Variants in ZNF644 observed in about 807,000 individuals in gnomAD.
The protein encoded by ZNF644 is zinc finger protein 644, also known as zinc finger motif enhancer binding protein 2.
Under a neutral mutation model 108.0 loss-of-function variants are expected in ZNF644, and 20 were observed. The ratio of observed to expected loss-of-function variants is 0.19; its 90% CI spans 0.13 to 0.27. ZNF644 has a LOEUF of 0.27. ZNF644 is among the 10% of genes least tolerant of loss of function. The pLI, the probability that ZNF644 is intolerant of heterozygous loss-of-function variation, is 1.00. For missense variants in ZNF644, 1,338 were observed against 1,548.9 expected (o/e 0.86, Z 2.29); for synonymous variants, 542 against 539.1 (o/e 1.01, Z -0.08).
At chr1:91,021,850 C>T (rs904445950) in intron 1 of ZNF644, 140 bp downstream of exon 1, 17 of 397,648 alleles carry the variant, frequency 4.3e-5, no homozygotes, top group Non-Finnish European at 7.1e-5. Context: ...CAGCCTAGGG[C>T]GTAGCTCCCC....
intron 4 of ZNF644, among the ~76,000 whole-genome samples, chr1:90,934,914 T>G (rs1466585073): frequency 6.6e-6 from 1 of 152,074 alleles, no homozygotes; most frequent in East Asian, 1.9e-4. Context: ...AGAACTACAA[T>G]ATTTTTATGC....
intron 2 of ZNF644, among the ~76,000 whole-genome samples, chr1:90,964,420 A>G (rs1654634333): frequency 6.6e-6 from 1 of 152,154 alleles, no homozygotes; most frequent in African/African-American, 2.4e-5. Context: ...AAAAATGTAT[A>G]TACTTCCCTA....
At chr1:90,926,153 T>A (rs1650008027) in intron 4 of ZNF644, among the ~76,000 whole-genome samples, 1 of 152,196 alleles carries the variant, frequency 6.6e-6, no homozygotes. Flanking sequence ...TCCTTACTGA[T>A]AAGAGATCAC....
At chr1:90,987,268 A>T (rs1280235051) in intron 1 of ZNF644, among the ~76,000 whole-genome samples, 360 of 135,412 alleles carry the variant, frequency 2.7e-3, no homozygotes, top group African/African-American at 7.0e-3. Flanking sequence ...TTTTTTTTTT[A>T]AAAAAAGATC....
At chr1:90,932,075 G>A (rs1650793127) in intron 4 of ZNF644, among the ~76,000 whole-genome samples, 1 of 152,170 alleles carries the variant, frequency 6.6e-6, no homozygotes, top group Non-Finnish European at 1.5e-5. Context: ...CACATTAGAA[G>A]TATTTAAGTT....
Position 90,982,343 on chromosome 1 carries a change from A to G in ZNF644, c.11T>C (p.Phe4Ser). 1 of 1,610,978 alleles carries G rather than the reference A, an allele frequency of 6.2e-7. No homozygotes were observed. The highest frequency in any genetic ancestry group is 8.5e-7 in the Non-Finnish European group (1 of 1,179,220). Reference protein sequence around the residue: MRSFLQQDVNKTKS... With the variant: MRSSLQQDVNKTKS... Reference sequence around the variant, plus strand: ...TGTCTTATTAACATCTTGCTGCAAGAACGATCTCATCCAAAATTAAATCAA... The same window carrying G: ...TGTCTTATTAACATCTTGCTGCAAGGACGATCTCATCCAAAATTAAATCAA... The change falls in exon 2 of 6, where the codon TTC becomes TCC. Residue 4 changes from phenylalanine to serine, a missense_variant. Physicochemically the swap from Phe to Ser is radical, Grantham distance 155. Transcript: ENST00000337393.
At chr1:90,935,899 T>C (rs994235575) in intron 4 of ZNF644, among the ~76,000 whole-genome samples, 2 of 152,158 alleles carry the variant, frequency 1.3e-5, no homozygotes, top group Non-Finnish European at 2.9e-5. Context: ...GCTTACAACA[T>C]TACCAATAAA....
chr1:90,940,719 A>T lies in ZNF644; in HGVS notation c.635T>A (p.Ile212Lys), dbSNP rs1452898144. The T allele has an allele frequency of 6.2e-7, 1 of 1,614,094 alleles. No individual in the cohort carries two copies. The highest frequency in any genetic ancestry group is 1.1e-5 in the South Asian group (1 of 91,080). The change falls in exon 3 of 6, where the codon ATA becomes AAA. Residue 212 changes from isoleucine (I) to lysine (K), a missense_variant. This residue lies in a region of ZNF644 where 464 missense variants were observed against 457.9 expected (regional missense o/e 1.01). Transcript: ENST00000337393. ...ATTTATTAAAGTGCCATCTGACTTT[A>T]TATTACTCCCTACTGAATTCTGAAT... is the stretch of plus-strand genomic sequence containing the variant. ...CDIQNSVGSN[I>K]KSDGTLINQV...
At chr1:91,005,374 T>A (rs1240129926) in intron 1 of ZNF644, among the ~76,000 whole-genome samples, 1 of 152,084 alleles carries the variant, frequency 6.6e-6, no homozygotes, top group East Asian at 1.9e-4. Context: ...AATTCAAAAA[T>A]AATAGTTAGA....
At chr1:91,012,868 CAATT>C (rs1439481314) in intron 1 of ZNF644, among the ~76,000 whole-genome samples, 8 of 152,110 alleles carry the variant, frequency 5.3e-5, no homozygotes, top group Admixed American at 3.9e-4. Context: ...AACAAGTAAC[CAATT>C]AATAGCTAAA....
chr1:91,018,926 A>G (rs1660652683), intron 1 of ZNF644, among the ~76,000 whole-genome samples: 1 of 152,248 alleles, frequency 6.6e-6, no homozygotes, highest in African/African-American at 2.4e-5. Flanking sequence ...AGACCACTTT[A>G]TAACTACAAA....
intron 2 of ZNF644, among the ~76,000 whole-genome samples, chr1:90,960,183 A>G (rs912205806): frequency 1.3e-5 from 2 of 152,150 alleles, no homozygotes; most frequent in Non-Finnish European, 2.9e-5. Context: ...CGTTTCCTTT[A>G]CATAAAAAGG....
At chr1:90,995,451 G>T (rs1291233969) in intron 1 of ZNF644, among the ~76,000 whole-genome samples, 1 of 152,128 alleles carries the variant, frequency 6.6e-6, no homozygotes, top group Non-Finnish European at 1.5e-5. Context: ...AAAGGAATGA[G>T]ATGAGCATAA....
chr1:90,999,107 G>T (rs1658487265), intron 1 of ZNF644, among the ~76,000 whole-genome samples: 1 of 152,158 alleles, frequency 6.6e-6, no homozygotes, highest in African/African-American at 2.4e-5. Context: ...AAACCAAGTA[G>T]GAAAACACTC....
chr1:90,938,094 GA>G lies in ZNF644; in HGVS notation c.3083-5del, dbSNP rs778003625. 5.0e-6 allele frequency: 8 copies of G among 1,610,570 alleles called. No individual in the cohort carries two copies. The Admixed American group carries it at 1.2e-4, about 24-fold the overall frequency. On this transcript the variant is annotated splice_region_variant and splice_polypyrimidine_tract_variant and intron_variant, in intron 3 of 5. Coordinates refer to ENST00000337393, the MANE Select transcript of ZNF644 (RefSeq NM_201269.3). This position sits in a 1 kb window ranked among gnomAD's most constrained non-coding sequence, Gnocchi z 4.2. Reference sequence around the variant, plus strand: ...GTGGTTTCAGACTTCTCTATAGCTAGAAAAAAATTTTTAAGAGTAATATCAG... The same window carrying G: ...GTGGTTTCAGACTTCTCTATAGCTAGAAAAAATTTTTAAGAGTAATATCAG...
chr1:90,984,981 G>T (rs1456945967), intron 1 of ZNF644, among the ~76,000 whole-genome samples: 1 of 152,000 alleles, frequency 6.6e-6, no homozygotes, highest in Non-Finnish European at 1.5e-5. Context: ...GGTAAATTTT[G>T]TTATGCATAT....
chr1:90,980,052 GC>G (rs1656392255), intron 2 of ZNF644, among the ~76,000 whole-genome samples: 1 of 152,036 alleles, frequency 6.6e-6, no homozygotes, highest in African/African-American at 2.4e-5. Flanking sequence ...TCCCATTCCA[GC>G]TAGCATTCTG....
intron 1 of ZNF644, among the ~76,000 whole-genome samples, chr1:91,004,895 G>A (rs528567367): frequency 6.6e-6 from 1 of 152,018 alleles, no homozygotes; most frequent in East Asian, 1.9e-4. Flanking sequence ...TAACACAAAA[G>A]GCAGCACTAC....
rs1651628482 is a variant in ZNF644, at chr1:90,938,801, A to T, written c.2553T>A (p.Asp851Glu). 1 of 1,613,818 alleles carries T rather than the reference A, an allele frequency of 6.2e-7. No individual in the cohort carries two copies. The highest frequency in any genetic ancestry group is 8.5e-7 in the Non-Finnish European group (1 of 1,179,916). The change falls in exon 3 of 6, where the codon GAT (aspartate) becomes GAA (glutamate). Residue 851 changes from aspartate to glutamate, a missense_variant. By Grantham distance (45) the Asp-to-Glu change is conservative. Coordinates refer to ENST00000337393, the MANE Select transcript of ZNF644 (RefSeq NM_201269.3). This position sits in a 1 kb window ranked among gnomAD's most constrained non-coding sequence, Gnocchi z 4.2. ...LQKLNSAEKKDSYETEDESSW... is the reference protein window; with the variant it reads ...LQKLNSAEKKESYETEDESSW... ...AACTTTCATCTTCTGTTTCATAACTATCTTTCTTTTCAGCAGAATTAAGTT... is the reference window on the plus strand; with the variant it reads ...AACTTTCATCTTCTGTTTCATAACTTTCTTTCTTTTCAGCAGAATTAAGTT...
Sources: allele counts gnomAD v4.1 joint callset (sites outside exome capture counted in the v4.1 genomes callset), GRCh38; gene constraint gnomAD v4.1.1; regional missense constraint gnomAD v4.1.1; non-coding constraint Gnocchi (gnomAD v3.1); transcripts MANE v1.5; gene names NCBI Gene and HGNC (gene_info 2026-07-23, HGNC 2026-07-21).